PTPRN2: variants seen among roughly 807,000 people sequenced by gnomAD.
The protein encoded by PTPRN2 is receptor-type tyrosine-protein phosphatase N2.
PTPRN2 carries 74 observed loss-of-function variants against 118.8 expected under a neutral mutation model. That is an observed-to-expected ratio of 0.62 (90% CI 0.52 to 0.76). The LOEUF (loss-of-function observed/expected upper bound fraction) is 0.76. Ranked by LOEUF, PTPRN2 falls within the 30% of genes least tolerant of loss-of-function variation. The pLI, the probability that PTPRN2 is intolerant of heterozygous loss-of-function variation, is 0.00. For synonymous variants in PTPRN2, 641 were observed against 608.0 expected, an observed-to-expected ratio of 1.05 and a Z score of -0.80; for missense variants, 1,481 against 1,394.4, an observed-to-expected ratio of 1.06 and a Z score of -0.99.
chr7:157,553,911 C>T (rs529672202), intron 21 of PTPRN2, among the ~76,000 whole-genome samples: 6 of 152,228 alleles, frequency 3.9e-5, no homozygotes, highest in Middle Eastern at 3.4e-3. Context: ...TAGCCAGGCT[C>T]AGGCTGGGCG....
At chr7:158,046,462 C>T (rs1416005277) in intron 11 of PTPRN2, among the ~76,000 whole-genome samples, 1 of 152,026 alleles carries the variant, frequency 6.6e-6, no homozygotes, top group Non-Finnish European at 1.5e-5. Flanking sequence ...TCCTGGCATC[C>T]TGACACTGCA....
chr7:158,179,326 G>A lies in PTPRN2; in HGVS notation c.550-12035C>T, dbSNP rs1045292459. ...CTTCTTTTAAGAAATGTCTGTTCAC[G>A]TCATTTGTCCACTTTTTAATGGGAT... On this transcript the variant is annotated intron_variant, in intron 5 of 22. Transcript: ENST00000389418. 2.6e-5 allele frequency among the ~76,000 whole-genome samples: 4 copies of A among 152,076 alleles called. 1 individual carries two copies. The East Asian group carries it at 5.8e-4, about 22-fold the overall frequency.
At chr7:158,340,580 G>A (rs1281989315) in intron 2 of PTPRN2, among the ~76,000 whole-genome samples, 4 of 116,250 alleles carry the variant, frequency 3.4e-5, no homozygotes, top group Non-Finnish European at 7.5e-5. Flanking sequence ...CACCATAAGA[G>A]CCGACGCCCG....
At chr7:158,050,885 A>C (rs951814409) in intron 11 of PTPRN2, among the ~76,000 whole-genome samples, 13 of 152,220 alleles carry the variant, frequency 8.5e-5, no homozygotes, top group Non-Finnish European at 1.8e-4. Context: ...TTCTGGCTGC[A>C]CTCAGGGATG....
rs1000288653 is a variant in PTPRN2, at chr7:158,254,146, C to A, written c.278-48873G>T. On this transcript the variant is annotated intron_variant, in intron 3 of 22. Coordinates refer to ENST00000389418, the MANE Select transcript of PTPRN2 (RefSeq NM_002847.5). Reference sequence around the variant, plus strand: ...CGGCATGACCCGCCCTCCATCTCCACGTTCAGGAGCATCCCTGTAACTGGA... The same window carrying A: ...CGGCATGACCCGCCCTCCATCTCCAAGTTCAGGAGCATCCCTGTAACTGGA... 7.8e-5 allele frequency among the ~76,000 whole-genome samples: 2 copies of A among 25,602 alleles called. 1 individual carries two copies. Among genetic ancestry groups the A allele is most frequent in the Non-Finnish European group, 1.3e-4 (2 of 15,738 alleles). The allele number at this position is 25,602 out of a possible 152,430, so 16.8% of individuals were successfully genotyped here. A position where few individuals can be genotyped will look rare whatever the true frequency, so the allele number is the denominator to read the frequency against.
Position 158,125,344 on chromosome 7 carries a change from A to G in PTPRN2, c.1556+8333T>C, listed in dbSNP as rs372382349. 4.0e-3 allele frequency among the ~76,000 whole-genome samples: 508 copies of G among 126,036 alleles called. 8 individuals carry two copies. The highest frequency in any genetic ancestry group is 0.014 in the African/African-American group (439 of 32,196). The allele number at this position is 126,036 out of a possible 152,430, so 82.7% of individuals were successfully genotyped here. ...CCTCCCTGCCTCAAGTCCCTCCCAC[A>G]GCCGCCCCCTGCCTCGCGTCCCTCC... is the stretch of plus-strand genomic sequence containing the variant. On this transcript the variant is annotated intron_variant, in intron 9 of 22. Coordinates refer to ENST00000389418, the MANE Select transcript of PTPRN2 (RefSeq NM_002847.5).
At chr7:157,870,112 G>A (rs1044387729) in intron 12 of PTPRN2, among the ~76,000 whole-genome samples, 3 of 152,156 alleles carry the variant, frequency 2.0e-5, no homozygotes, top group Non-Finnish European at 4.4e-5. Flanking sequence ...TGAAAGCTCT[G>A]CCCTTGGCTG....
chr7:158,262,821 GCA>G (rs950221051), intron 3 of PTPRN2, among the ~76,000 whole-genome samples: 10 of 122,068 alleles, frequency 8.2e-5, no homozygotes, highest in East Asian at 7.7e-4. Flanking sequence ...CATTCACACT[GCA>G]CACATTCACA....
intron 4 of PTPRN2, among the ~76,000 whole-genome samples, chr7:158,194,989 CT>C (rs1826095000): frequency 6.6e-6 from 1 of 152,234 alleles, no homozygotes; most frequent in Admixed American, 6.5e-5. Flanking sequence ...TAATCAACTT[CT>C]TTAAATGTGA....
At position 158,438,666 on chromosome 7, in the gene PTPRN2, T is replaced by C. The variant is rs1031710516; in HGVS notation, c.163+51069A>G. On this transcript the variant is annotated intron_variant, in intron 2 of 22. Transcript: ENST00000389418. This position sits in a 1 kb window ranked among gnomAD's most constrained non-coding sequence, Gnocchi z 4.7. ...TGTTGATTTTCCTGGAATTTGCTAA[T>C]GATGAATCGTGCTGTGTGAAAATAC... is the stretch of plus-strand genomic sequence containing the variant. Among the ~76,000 whole-genome samples, 1 of 152,214 alleles carries C rather than the reference T, an allele frequency of 6.6e-6. No homozygotes were observed. Among genetic ancestry groups the C allele is most frequent in the African/African-American group, 2.4e-5 (1 of 41,450 alleles).
In PTPRN2 at chr7:158,541,268, C is replaced by A. The variant is rs140770035; in HGVS notation, c.112+46290G>T. On this transcript the variant is annotated intron_variant, in intron 1 of 22. Transcript: ENST00000389418. ...TCTTTGGTTTCTCTAGGGCTTTGAT[C>A]ATCAGCACGTGCTTGGAACTGTCAC... is the stretch of plus-strand genomic sequence containing the variant. Among the ~76,000 whole-genome samples, 63 of 152,320 alleles carry A rather than the reference C, an allele frequency of 4.1e-4. No individual in the cohort carries two copies. In the East Asian group the frequency reaches 9.6e-3, roughly 23 times the overall value.
chr7:157,903,359 T>G lies in PTPRN2; in HGVS notation c.1724-4622A>C, dbSNP rs1003755469. On this transcript the variant is annotated intron_variant, in intron 11 of 22. Coordinates refer to ENST00000389418, the MANE Select transcript of PTPRN2 (RefSeq NM_002847.5). This position sits in a 1 kb window ranked among gnomAD's most constrained non-coding sequence, Gnocchi z 4.2. Reference sequence around the variant, plus strand: ...TGCAAGACGGGAGCAAGCAAGACGGTACCCCAAACCTCAGCATCACCAGTA... The same window carrying G: ...TGCAAGACGGGAGCAAGCAAGACGGGACCCCAAACCTCAGCATCACCAGTA... Among the ~76,000 whole-genome samples the G allele has an allele frequency of 6.6e-6, 1 of 151,840 alleles. No individual in the cohort carries two copies. Among genetic ancestry groups the G allele is most frequent in the South Asian group, 2.1e-4 (1 of 4,806 alleles).
chr7:157,825,260 C>A (rs1021209970), intron 12 of PTPRN2, among the ~76,000 whole-genome samples: 1 of 152,146 alleles, frequency 6.6e-6, no homozygotes, highest in Non-Finnish European at 1.5e-5. Flanking sequence ...TCTTCTTCCC[C>A]CTTCCTGCTG....
chr7:158,047,675 G>A (rs1012694584), intron 11 of PTPRN2, among the ~76,000 whole-genome samples: 14 of 152,236 alleles, frequency 9.2e-5, no homozygotes, highest in Non-Finnish European at 2.1e-4. Context: ...CACATCTGGC[G>A]TTTCAGAGCC....
intron 5 of PTPRN2, among the ~76,000 whole-genome samples, chr7:158,182,508 G>C (rs928895939): frequency 1.3e-5 from 2 of 152,022 alleles, no homozygotes; most frequent in African/African-American, 4.8e-5. Context: ...GGTGTGTGTT[G>C]TTCCCCTCCT....
At chr7:157,588,403 C>G (rs562216360) in intron 17 of PTPRN2, among the ~76,000 whole-genome samples, 2 of 152,186 alleles carry the variant, frequency 1.3e-5, no homozygotes, top group African/African-American at 4.8e-5. Flanking sequence ...TCCCCTGCCT[C>G]CCCGGCAGTC....
chr7:158,243,654 C>T (rs1796019338), intron 3 of PTPRN2, among the ~76,000 whole-genome samples: 1 of 152,188 alleles, frequency 6.6e-6, no homozygotes, highest in Non-Finnish European at 1.5e-5. Flanking sequence ...TCCATCCACA[C>T]AGAGAGCAGG....
At chr7:157,904,807 C>T (rs545386743) in intron 11 of PTPRN2, among the ~76,000 whole-genome samples, 6 of 152,328 alleles carry the variant, frequency 3.9e-5, no homozygotes, top group African/African-American at 1.2e-4. Flanking sequence ...TCCTGCATCG[C>T]GAACGCTGCA....
At position 157,871,473 on chromosome 7, in the gene PTPRN2, A is replaced by G. The variant is rs74557210; in HGVS notation, c.1788+27200T>C. 7.3e-3 allele frequency among the ~76,000 whole-genome samples: 1,112 copies of G among 152,222 alleles called. 54 individuals carry two copies. The East Asian group carries it at 0.13, about 17-fold the overall frequency. ...CAAAAGCTTCCTCTAAATTGGACTC[A>G]AGGTCGCGTTCATCGGCAGCTGTGA... On this transcript the variant is annotated intron_variant, in intron 12 of 22. Coordinates refer to ENST00000389418, the MANE Select transcript of PTPRN2 (RefSeq NM_002847.5).
Sources: gnomAD v4.1 joint callset for allele counts (sites outside exome capture counted in the v4.1 genomes callset) on GRCh38, gnomAD v4.1.1 for gene constraint, Gnocchi (gnomAD v3.1) non-coding constraint, MANE v1.5 for transcripts, NCBI Gene and HGNC (gene_info 2026-07-23, HGNC 2026-07-21) for gene names.